The following KCNH5 variants were observed in gnomAD, a reference collection of about 807,000 sequenced individuals.
KCNH5 encodes potassium voltage-gated channel subfamily H member 5, also known as voltage-gated delayed rectifier potassium channel KCNH5.
In KCNH5, 46 loss-of-function variants were observed where a neutral mutation model predicts 96.1. That is an observed-to-expected ratio of 0.48 (90% CI 0.38 to 0.61). The LOEUF (loss-of-function observed/expected upper bound fraction) is 0.61. KCNH5 is among the 20% of genes least tolerant of loss of function. The pLI is 0.00. For synonymous variants in KCNH5, 439 were observed against 449.8 expected (o/e 0.98, Z 0.30); for missense variants, 907 against 1,225.8 (o/e 0.74, Z 3.88).
intron 7 of KCNH5, among the ~76,000 whole-genome samples, chr14:62,854,086 C>T (rs944333863): frequency 2.0e-5 from 3 of 151,688 alleles, no homozygotes; most frequent in Non-Finnish European, 4.4e-5. Flanking sequence ...GTCTAAACAT[C>T]CTCTTCCCTC....
At chr14:62,747,677 CT>C (rs1885407919) in intron 10 of KCNH5, among the ~76,000 whole-genome samples, 2 of 152,150 alleles carry the variant, frequency 1.3e-5, no homozygotes, top group East Asian at 3.9e-4. Context: ...GTTCGTTAAC[CT>C]AAATTAGAGA....
intron 7 of KCNH5, among the ~76,000 whole-genome samples, chr14:62,876,801 G>A (rs1888382625): frequency 6.6e-6 from 1 of 152,160 alleles, no homozygotes; most frequent in South Asian, 2.1e-4. Flanking sequence ...TTTTGCTGAA[G>A]TATGAATAAT....
At chr14:63,022,563 A>G (rs1176566359) in intron 1 of KCNH5, among the ~76,000 whole-genome samples, 1 of 152,118 alleles carries the variant, frequency 6.6e-6, no homozygotes, top group Admixed American at 6.6e-5. Context: ...ATGGCCCACA[A>G]TGACTTCAAA....
chr14:62,853,723 T>G (rs950991886), intron 7 of KCNH5, among the ~76,000 whole-genome samples: 5 of 151,618 alleles, frequency 3.3e-5, no homozygotes, highest in African/African-American at 1.2e-4. Context: ...AAAACCTGAC[T>G]CATCGGCTGG....
intron 1 of KCNH5, 46 bp from the exon 2 acceptor site, chr14:63,017,000 C>A: frequency 6.4e-7 from 1 of 1,568,710 alleles, no homozygotes; most frequent in Admixed American, 1.9e-5. Context: ...CTTAATTCAA[C>A]AATGCACTTA....
At chr14:62,760,429 T>C (rs1188842869) in intron 10 of KCNH5, among the ~76,000 whole-genome samples, 1 of 152,192 alleles carries the variant, frequency 6.6e-6, no homozygotes, top group Non-Finnish European at 1.5e-5. Context: ...CTGTGTGCTA[T>C]CATTAGGGGA....
At position 62,705,157 on chromosome 14, in the gene KCNH5, G is replaced by A. The variant is rs1884406892; in HGVS notation, c.*2351C>T. ...CAATAACATTGTAGGTCGATTAGGT[G>A]AAACTCTACGTCAATGTCAGAACAC... is the stretch of plus-strand genomic sequence containing the variant. On this transcript the variant is annotated 3_prime_UTR_variant, in exon 11 of 11. Coordinates refer to ENST00000322893, the MANE Select transcript of KCNH5 (RefSeq NM_139318.5). 1 of 151,982 alleles carries A rather than the reference G, an allele frequency of 6.6e-6. No individual in the cohort carries two copies. The highest frequency in any genetic ancestry group is 6.6e-5 in the Admixed American group (1 of 15,264). 9.4% of individuals were successfully genotyped at this position (151,982 alleles called of 1,614,324 possible).
intron 7 of KCNH5, among the ~76,000 whole-genome samples, chr14:62,851,693 G>C (rs1378819075): frequency 1.3e-5 from 2 of 151,878 alleles, no homozygotes; most frequent in African/African-American, 2.4e-5. Context: ...GAGTATTTAG[G>C]GGTTAATGAA....
At chr14:62,924,755 G>GA (rs1889441612) in intron 7 of KCNH5, among the ~76,000 whole-genome samples, 1 of 151,906 alleles carries the variant, frequency 6.6e-6, no homozygotes, top group South Asian at 2.1e-4. Context: ...AGTGGAATCT[G>GA]AAAAAGTTGA....
chr14:62,968,698 T>G (rs1890350279), intron 6 of KCNH5, among the ~76,000 whole-genome samples: 1 of 152,212 alleles, frequency 6.6e-6, no homozygotes, highest in South Asian at 2.1e-4. Context: ...GGAAATGTGG[T>G]ATGCCTCATT....
chr14:62,781,497 T>C (rs1886212111), intron 9 of KCNH5, among the ~76,000 whole-genome samples: 1 of 152,182 alleles, frequency 6.6e-6, no homozygotes, highest in Non-Finnish European at 1.5e-5. Context: ...GACTGGAGTC[T>C]ATTTCACCTC....
intron 7 of KCNH5, among the ~76,000 whole-genome samples, chr14:62,937,233 G>A (rs1385487222): frequency 1.3e-5 from 2 of 151,964 alleles, no homozygotes; most frequent in African/African-American, 2.4e-5. Flanking sequence ...TGTTTTGCTG[G>A]TCTTACCGTA....
intron 1 of KCNH5, among the ~76,000 whole-genome samples, chr14:63,024,665 A>T (rs935661150): frequency 6.6e-6 from 1 of 152,134 alleles, no homozygotes; most frequent in African/African-American, 2.4e-5. Flanking sequence ...CAAACTGTCT[A>T]ATCTTGAAGA....
intron 2 of KCNH5, among the ~76,000 whole-genome samples, chr14:63,010,624 G>A (rs1382661052): frequency 3.9e-5 from 6 of 152,172 alleles, no homozygotes; most frequent in African/African-American, 1.4e-4. Flanking sequence ...TTCAGGCCTG[G>A]TCTAGGCCAT....
chr14:62,977,823 G>C (rs1395367208), intron 6 of KCNH5, among the ~76,000 whole-genome samples: 2 of 152,164 alleles, frequency 1.3e-5, no homozygotes, highest in Non-Finnish European at 2.9e-5. Context: ...AAATGCCTGG[G>C]AAGGACAAAA....
intron 1 of KCNH5, among the ~76,000 whole-genome samples, chr14:63,022,462 T>C (rs1891447424): frequency 6.6e-6 from 1 of 152,102 alleles, no homozygotes; most frequent in African/African-American, 2.4e-5. Flanking sequence ...GTTTGTTTGT[T>C]TGTTTGTTTT....
intron 1 of KCNH5, among the ~76,000 whole-genome samples, chr14:63,040,726 T>C (rs1471700300): frequency 6.6e-6 from 1 of 152,136 alleles, no homozygotes; most frequent in Non-Finnish European, 1.5e-5. Context: ...TTCTGCTTCC[T>C]CTCTTATAGG....
chr14:62,828,803 C>T (rs1433504130), intron 8 of KCNH5, among the ~76,000 whole-genome samples: 1 of 152,080 alleles, frequency 6.6e-6, no homozygotes, highest in Non-Finnish European at 1.5e-5. Context: ...TCACACCTTC[C>T]CAACAGTCCC....
At chr14:62,819,305 TCATGCCA>T (rs1391943911) in intron 8 of KCNH5, among the ~76,000 whole-genome samples, 1 of 152,182 alleles carries the variant, frequency 6.6e-6, no homozygotes, top group Admixed American at 6.5e-5. Flanking sequence ...AAGTACTGAT[TCATGCCA>T]CAATATGGAT....
Sources: allele counts gnomAD v4.1 joint callset (sites outside exome capture counted in the v4.1 genomes callset), GRCh38; gene constraint gnomAD v4.1.1; transcripts MANE v1.5; gene names NCBI Gene and HGNC (gene_info 2026-07-23, HGNC 2026-07-21).